Variants in UNC13C observed in about 807,000 individuals in gnomAD.
UNC13C encodes unc-13 homolog C, also known as protein unc-13 homolog C.
A neutral mutation model predicts 245.4 loss-of-function variants in UNC13C; 174 were observed. The ratio of observed to expected loss-of-function variants is 0.71; its 90% CI spans 0.63 to 0.80. The LOEUF (loss-of-function observed/expected upper bound fraction) is 0.80, where lower values mean the gene tolerates loss of function less well. Among genes scored for constraint, UNC13C ranks in the 30% least tolerant of loss-of-function variants. The probability of loss-of-function intolerance (pLI) is 0.00; values close to 1 mark genes in which losing one functional copy is unlikely to be tolerated. For missense variants in UNC13C, 2,829 were observed against 2,602.9 expected, an observed-to-expected ratio of 1.09 and a Z score of -1.89; for synonymous variants, 992 against 895.1, an observed-to-expected ratio of 1.11 and a Z score of -1.93.
At chr15:54,426,480 C>A (rs1229731023) in intron 19 of UNC13C, among the ~76,000 whole-genome samples, 1 of 145,334 alleles carries the variant, frequency 6.9e-6, no homozygotes, top group Non-Finnish European at 1.5e-5. Context: ...AGCCAAGAAA[C>A]CAAGAGTCTG....
chr15:53,904,115 T>C, the UNC13C span, among the ~76,000 whole-genome samples: 1 of 152,212 alleles, frequency 6.6e-6, no homozygotes, highest in South Asian at 2.1e-4. Flanking sequence ...CTTAGAATTA[T>C]GATTTTTAAT....
the UNC13C span, among the ~76,000 whole-genome samples, chr15:53,943,885 A>AT: frequency 3.3e-5 from 5 of 151,312 alleles, no homozygotes; most frequent in Admixed American, 2.0e-4. Flanking sequence ...GTATCTGGTA[A>AT]TTTTTTTTTC....
chr15:54,442,038 TATTA>T (rs1890554598), intron 19 of UNC13C, among the ~76,000 whole-genome samples: 1 of 152,084 alleles, frequency 6.6e-6, no homozygotes, highest in Admixed American at 6.6e-5. Context: ...CTTGTAATTT[TATTA>T]ATTTGTGTAT....
At chr15:54,035,523 T>C (rs1896541431) in intron 2 of UNC13C, among the ~76,000 whole-genome samples, 1 of 152,176 alleles carries the variant, frequency 6.6e-6, no homozygotes, top group Non-Finnish European at 1.5e-5. Context: ...TCCTTCTGTA[T>C]GGGAAGCTCC....
chr15:54,490,174 C>CT (rs1893630815), intron 19 of UNC13C, among the ~76,000 whole-genome samples: 1 of 152,172 alleles, frequency 6.6e-6, no homozygotes, highest in South Asian at 2.1e-4. Context: ...AGCAAAGAGG[C>CT]TGGTAAAACC....
chr15:54,525,683 C>G (rs768256645), intron 25 of UNC13C, 46 bp downstream of exon 25: 2 of 1,475,586 alleles, frequency 1.4e-6, no homozygotes, highest in Non-Finnish European at 1.9e-6. Context: ...AATTAGGTGT[C>G]AGTTCATGAT....
chr15:54,071,908 G>A (rs1319211452), intron 2 of UNC13C, among the ~76,000 whole-genome samples: 3 of 152,090 alleles, frequency 2.0e-5, no homozygotes, highest in Non-Finnish European at 4.4e-5. Flanking sequence ...TGGTCACGAT[G>A]TCTCTTGATA....
chr15:54,379,537 A>C (rs1420264939), intron 17 of UNC13C, among the ~76,000 whole-genome samples: 1 of 152,130 alleles, frequency 6.6e-6, no homozygotes, highest in East Asian at 1.9e-4. Flanking sequence ...TACCTTTTAC[A>C]GTGAACTTTT....
the UNC13C span, among the ~76,000 whole-genome samples, chr15:53,970,536 G>A: frequency 6.6e-6 from 1 of 152,096 alleles, no homozygotes; most frequent in Non-Finnish European, 1.5e-5. Flanking sequence ...ATCCTACTTT[G>A]GATGGAGCTG....
chr15:54,064,351 T>C (rs1242804792), intron 2 of UNC13C, among the ~76,000 whole-genome samples: 3 of 152,180 alleles, frequency 2.0e-5, no homozygotes, highest in Admixed American at 6.5e-5. Context: ...ACAAAAATAA[T>C]TGCAACCTCG....
chr15:54,260,832 A>G (rs893696371), intron 8 of UNC13C, among the ~76,000 whole-genome samples: 4 of 147,984 alleles, frequency 2.7e-5, no homozygotes, highest in Admixed American at 2.7e-4. Context: ...TGTAGATACT[A>G]TCTATAGATA....
At chr15:54,559,311 C>A (rs1187302358) in intron 29 of UNC13C, among the ~76,000 whole-genome samples, 1 of 151,974 alleles carries the variant, frequency 6.6e-6, no homozygotes, top group South Asian at 2.1e-4. Context: ...ACATTTTATT[C>A]CTCTGTGTTT....
At chr15:54,475,282 TTATTATTATTATTA>T (rs1308797692) in intron 19 of UNC13C, among the ~76,000 whole-genome samples, 2 of 1,600 alleles carry the variant, frequency 1.3e-3, no homozygotes, top group East Asian at 0.017. Context: ...GGTTTTTTGT[TTATTATTATTATTA>T]TTATTATTAT....
intron 2 of UNC13C, among the ~76,000 whole-genome samples, chr15:54,141,633 A>G (rs2032024997): frequency 1.3e-5 from 2 of 152,062 alleles, no homozygotes; most frequent in African/African-American, 4.8e-5. Flanking sequence ...GTCATATTAG[A>G]TTAGTCATAT....
chr15:54,509,711 C>CT (rs1894650179), intron 23 of UNC13C, among the ~76,000 whole-genome samples: 1 of 151,986 alleles, frequency 6.6e-6, no homozygotes, highest in African/African-American at 2.4e-5. Flanking sequence ...TGAAGTTGTT[C>CT]TTTTTTTCAT....
chr15:54,065,079 C>T (rs879515756), intron 2 of UNC13C, among the ~76,000 whole-genome samples: 3 of 152,216 alleles, frequency 2.0e-5, no homozygotes, highest in Non-Finnish European at 4.4e-5. Context: ...GATATGCAAA[C>T]CAGACTGTCT....
intron 2 of UNC13C, among the ~76,000 whole-genome samples, chr15:54,126,494 A>T (rs113777322): frequency 6.6e-6 from 1 of 152,194 alleles, no homozygotes; most frequent in Non-Finnish European, 1.5e-5. Context: ...CACAAAGGAA[A>T]AACAAACAAA....
At chr15:54,407,546 T>C (rs773682249) in intron 18 of UNC13C, among the ~76,000 whole-genome samples, 1 of 152,236 alleles carries the variant, frequency 6.6e-6, no homozygotes, top group Non-Finnish European at 1.5e-5. Context: ...GTGTAACTGT[T>C]AAAGAAAGAA....
intron 18 of UNC13C, among the ~76,000 whole-genome samples, chr15:54,400,988 A>C (rs1215072360): frequency 6.6e-6 from 1 of 152,172 alleles, no homozygotes; most frequent in Non-Finnish European, 1.5e-5. Context: ...GGAAACCATC[A>C]TTCTCAGCAA....
Sources: gnomAD v4.1 joint callset for allele counts (sites outside exome capture counted in the v4.1 genomes callset) on GRCh38, gnomAD v4.1.1 for gene constraint, MANE v1.5 for transcripts, NCBI Gene and HGNC (gene_info 2026-07-23, HGNC 2026-07-21) for gene names.